Variants in GLMN observed in about 807,000 individuals in gnomAD.
GLMN encodes glomulin, FKBP associated protein.
A neutral mutation model predicts 87.8 loss-of-function variants in GLMN; 75 were observed. The ratio of observed to expected loss-of-function variants is 0.85; its 90% CI spans 0.71 to 1.04. GLMN has a LOEUF of 1.04. GLMN is among the 50% of genes least tolerant of loss of function. The probability of loss-of-function intolerance (pLI) is 0.00; values close to 1 mark genes in which losing one functional copy is unlikely to be tolerated. For synonymous variants in GLMN, 206 were observed against 221.6 expected, an observed-to-expected ratio of 0.93 and a Z score of 0.63; for missense variants, 588 against 658.8, an observed-to-expected ratio of 0.89 and a Z score of 1.18.
intron 7 of GLMN, 49 bp from the exon 8 acceptor site, chr1:92,271,701 C>T (rs776779191): frequency 4.0e-6 from 5 of 1,258,074 alleles, no homozygotes; most frequent in South Asian, 3.6e-5. Flanking sequence ...CTCTAAAATG[C>T]CCCCCACCCC....
intron 16 of GLMN, among the ~76,000 whole-genome samples, chr1:92,250,951 T>C (rs1254569672): frequency 6.6e-6 from 1 of 152,220 alleles, no homozygotes; most frequent in African/African-American, 2.4e-5. Flanking sequence ...GATATTCCCA[T>C]GACCCAGAAA....
chr1:92,248,322 C>T, intron 16 of GLMN: 1 of 217,294 alleles, frequency 4.6e-6, no homozygotes, highest in South Asian at 6.8e-5. Context: ...ATGACTCTAC[C>T]TTATTTATGC....
chr1:92,246,540 C>T lies in GLMN; in HGVS notation c.1775G>A (p.Gly592Glu). ...TAGGAAATGGAACTTTCACTTTATC[C>T]CAATATTTTCTTCAGAGGTAGACTT... Reference protein sequence around the residue: ...KTKSTSEENIGIK With the variant: ...KTKSTSEENIEIK Residue 592 changes from glycine to glutamate, a missense_variant, in exon 19 of 19, where the codon GGG (glycine) becomes GAG (glutamate). Coordinates refer to ENST00000370360, the MANE Select transcript of GLMN (RefSeq NM_053274.3). 1 of 1,327,206 alleles carries T rather than the reference C, an allele frequency of 7.5e-7. No individual in the cohort carries two copies. The allele number at this position is 1,327,206 out of a possible 1,614,324, so 82.2% of individuals were successfully genotyped here.
At chr1:92,342,188 G>T in the GLMN span, among the ~76,000 whole-genome samples, 3 of 152,162 alleles carry the variant, frequency 2.0e-5, no homozygotes, top group African/African-American at 7.2e-5. Flanking sequence ...TTTTTAATAG[G>T]CTGGTTAAGG....
the GLMN span, among the ~76,000 whole-genome samples, chr1:92,308,926 C>A: frequency 6.6e-6 from 1 of 151,908 alleles, no homozygotes; most frequent in Admixed American, 6.6e-5. Flanking sequence ...TGCTGCTGAA[C>A]TCTAGCCTGG....
At chr1:92,323,075 T>TTATATA in the GLMN span, among the ~76,000 whole-genome samples, 1 of 144,848 alleles carries the variant, frequency 6.9e-6, no homozygotes, top group Non-Finnish European at 1.5e-5. Context: ...ATATATATAT[T>TTATATA]TATATATATA....
upstream of GLMN, among the ~76,000 whole-genome samples, chr1:92,303,386 T>C (rs192270280): frequency 1.9e-3 from 294 of 152,296 alleles, 1 homozygote; most frequent in Non-Finnish European, 3.4e-3. Flanking sequence ...ATCTCAAAGT[T>C]ATGAACAAGA....
At chr1:92,296,475 C>G (rs1325323450) in intron 3 of GLMN, among the ~76,000 whole-genome samples, 1 of 152,158 alleles carries the variant, frequency 6.6e-6, no homozygotes, top group African/African-American at 2.4e-5. Flanking sequence ...ATAAAACCAT[C>G]AGACCTGGTG....
the GLMN span, among the ~76,000 whole-genome samples, chr1:92,315,863 G>A: frequency 6.6e-6 from 1 of 152,142 alleles, no homozygotes; most frequent in Non-Finnish European, 1.5e-5. Flanking sequence ...TACCCTGTTA[G>A]AGACAAAACA....
intron 3 of GLMN, among the ~76,000 whole-genome samples, chr1:92,295,299 G>C (rs1462849660): frequency 6.6e-6 from 1 of 151,046 alleles, no homozygotes; most frequent in Admixed American, 6.6e-5. Flanking sequence ...CCTTTTATGT[G>C]AACTCAGGTA....
the GLMN span, among the ~76,000 whole-genome samples, chr1:92,326,098 T>C: frequency 6.6e-6 from 1 of 152,088 alleles, no homozygotes; most frequent in African/African-American, 2.4e-5. Flanking sequence ...TACTAGATAA[T>C]GCCAAACAGT....
chr1:92,286,593 CT>C lies in GLMN; in HGVS notation c.633-2del. On this transcript the variant is annotated splice_acceptor_variant, in intron 6 of 18. Transcript: ENST00000370360. LOFTEE classifies it high-confidence loss of function. ...AGGGCATTTCAAGCTTTTGAAACAA[CT>C]AAGGCATAAGAAATAGGTAACTATG... 6.7e-7 allele frequency: 1 copy of C among 1,487,192 alleles called. No individual in the cohort carries two copies. The highest frequency in any genetic ancestry group is 9.4e-7 in the Non-Finnish European group (1 of 1,065,060). The allele number at this position is 1,487,192 out of a possible 1,614,324, so 92.1% of individuals were successfully genotyped here.
chr1:92,278,469 T>C (rs573761705), intron 7 of GLMN, among the ~76,000 whole-genome samples: 8 of 152,318 alleles, frequency 5.3e-5, no homozygotes, highest in African/African-American at 1.4e-4. Flanking sequence ...TCTCTCATCT[T>C]CAGAATTTAT....
At chr1:92,256,116 A>G (rs1654199028) in intron 16 of GLMN, among the ~76,000 whole-genome samples, 1 of 152,224 alleles carries the variant, frequency 6.6e-6, no homozygotes, top group Non-Finnish European at 1.5e-5. Flanking sequence ...AGAATACTAT[A>G]AACACCTCTA....
At chr1:92,306,083 A>G in the GLMN span, among the ~76,000 whole-genome samples, 1 of 152,246 alleles carries the variant, frequency 6.6e-6, no homozygotes, top group Non-Finnish European at 1.5e-5. Flanking sequence ...TACAAGGTGG[A>G]TGAACCTTGA....
At chr1:92,284,011 G>A (rs1449505121) in intron 7 of GLMN, among the ~76,000 whole-genome samples, 5 of 152,156 alleles carry the variant, frequency 3.3e-5, no homozygotes, top group Non-Finnish European at 5.9e-5. Context: ...CTCATGAATA[G>A]GAAGAATCAA....
At chr1:92,277,139 A>G (rs1304429572) in intron 7 of GLMN, among the ~76,000 whole-genome samples, 1 of 152,188 alleles carries the variant, frequency 6.6e-6, no homozygotes, top group African/African-American at 2.4e-5. Context: ...TTAAAACTAT[A>G]TCCCTACTAA....
the GLMN span, among the ~76,000 whole-genome samples, chr1:92,349,427 A>T: frequency 1.3e-5 from 2 of 152,230 alleles, no homozygotes; most frequent in African/African-American, 4.8e-5. Flanking sequence ...TAATTGTATT[A>T]GTATGTTGCT....
chr1:92,258,247 GA>G (rs1305532882), intron 16 of GLMN, among the ~76,000 whole-genome samples: 1 of 113,828 alleles, frequency 8.8e-6, no homozygotes, highest in African/African-American at 3.1e-5. Flanking sequence ...AAAAAGTCAG[GA>G]AACAACAGAT....
Sources: allele counts gnomAD v4.1 joint callset (sites outside exome capture counted in the v4.1 genomes callset), GRCh38; gene constraint gnomAD v4.1.1; transcripts MANE v1.5; gene names NCBI Gene and HGNC (gene_info 2026-07-23, HGNC 2026-07-21).